Variants in CAMK1D observed in about 807,000 individuals in gnomAD.
The protein encoded by CAMK1D is calcium/calmodulin dependent protein kinase ID.
CAMK1D carries 9 observed loss-of-function variants against 47.7 expected under a neutral mutation model. The observed-to-expected ratio is 0.19, with a 90% CI of 0.11 to 0.33. The LOEUF (loss-of-function observed/expected upper bound fraction) is 0.33, where lower values mean the gene tolerates loss of function less well. CAMK1D is among the 10% of genes least tolerant of loss of function. The pLI is 1.00. For missense variants in CAMK1D, 291 were observed against 488.7 expected (o/e 0.60, Z 3.81); for synonymous variants, 184 against 184.9 (o/e 0.99, Z 0.04).
chr10:12,576,222 T>G (rs1588651970), intron 2 of CAMK1D, among the ~76,000 whole-genome samples: 1 of 152,324 alleles, frequency 6.6e-6, no homozygotes, highest in African/African-American at 2.4e-5. Flanking sequence ...TGCAGTGGTA[T>G]CTCTGTTATA....
chr10:12,810,554 C>T (rs1012398139), intron 6 of CAMK1D, among the ~76,000 whole-genome samples: 2 of 152,142 alleles, frequency 1.3e-5, no homozygotes, highest in African/African-American at 4.8e-5. Flanking sequence ...GGATTACAGG[C>T]GTGAGCCACC....
chr10:12,407,130 C>T (rs904549552), intron 1 of CAMK1D, among the ~76,000 whole-genome samples: 2 of 152,208 alleles, frequency 1.3e-5, no homozygotes, highest in African/African-American at 4.8e-5. Flanking sequence ...CTCCATCTTC[C>T]TGCACAGCCA....
At chr10:12,781,265 G>C (rs1837479381) in intron 5 of CAMK1D, among the ~76,000 whole-genome samples, 1 of 152,238 alleles carries the variant, frequency 6.6e-6, no homozygotes, top group African/African-American at 2.4e-5. Context: ...CACAAGAAAG[G>C]CTTGACTTAA....
chr10:12,665,979 A>T lies in CAMK1D; in HGVS notation c.225-757A>T, dbSNP rs77549808. On this transcript the variant is annotated intron_variant, in intron 2 of 10. Coordinates refer to ENST00000619168, the MANE Select transcript of CAMK1D (RefSeq NM_153498.4). Reference sequence around the variant, plus strand: ...AAGCTCTAGTTTACACGTGTAGATTATCTGAGCATCTTATTACAATACTGA... The same window carrying T: ...AAGCTCTAGTTTACACGTGTAGATTTTCTGAGCATCTTATTACAATACTGA... Among the ~76,000 whole-genome samples the T allele has an allele frequency of 8.7e-4, 132 of 152,144 alleles. 3 individuals are homozygous for T. In the East Asian group the frequency reaches 0.021, roughly 24 times the overall value.
chr10:12,488,831 G>A (rs915851155), intron 1 of CAMK1D, among the ~76,000 whole-genome samples: 1 of 152,192 alleles, frequency 6.6e-6, no homozygotes, highest in Non-Finnish European at 1.5e-5. Flanking sequence ...CTGATCTGAC[G>A]GAGGCGGAGC....
chr10:12,512,978 G>A (rs944193198), intron 1 of CAMK1D, among the ~76,000 whole-genome samples: 1 of 152,170 alleles, frequency 6.6e-6, no homozygotes, highest in African/African-American at 2.4e-5. Flanking sequence ...GCACACACCT[G>A]GAGGAACACA....
chr10:12,517,737 AT>A (rs35540884), intron 1 of CAMK1D, among the ~76,000 whole-genome samples: 79,594 of 151,520 alleles, frequency 0.53, 21,030 homozygotes, highest in South Asian at 0.68. Flanking sequence ...GTTGTGGTGT[AT>A]TTTTTTTTAT....
At chr10:12,760,075 AT>A (rs1836428381) in intron 3 of CAMK1D, among the ~76,000 whole-genome samples, 3 of 151,956 alleles carry the variant, frequency 2.0e-5, no homozygotes, top group Admixed American at 6.6e-5. Context: ...ATTTGAGATG[AT>A]TTGGAGAACA....
intron 3 of CAMK1D, among the ~76,000 whole-genome samples, chr10:12,679,976 A>G (rs972516309): frequency 1.3e-5 from 2 of 152,218 alleles, no homozygotes; most frequent in Non-Finnish European, 2.9e-5. Context: ...AATGTAAGCT[A>G]CACATCCTCT....
intron 2 of CAMK1D, among the ~76,000 whole-genome samples, chr10:12,601,199 T>TG (rs1343155465): frequency 4.9e-4 from 71 of 144,576 alleles, no homozygotes; most frequent in Admixed American, 6.9e-4. Context: ...GTTTGTTTTT[T>TG]TTTTTTTTTT....
intron 1 of CAMK1D, among the ~76,000 whole-genome samples, chr10:12,519,138 C>T (rs1414620699): frequency 1.1e-4 from 10 of 92,538 alleles, no homozygotes; most frequent in African/African-American, 3.3e-4. Flanking sequence ...ACCACCCTCC[C>T]GGACAGGGCG....
intron 3 of CAMK1D, among the ~76,000 whole-genome samples, chr10:12,760,086 A>G (rs1047362106): frequency 2.0e-5 from 3 of 152,094 alleles, no homozygotes; most frequent in Admixed American, 2.0e-4. Context: ...TTTGGAGAAC[A>G]CTAGTTGAGT....
chr10:12,411,808 C>T (rs933107769), intron 1 of CAMK1D, among the ~76,000 whole-genome samples: 2 of 90,102 alleles, frequency 2.2e-5, no homozygotes, highest in African/African-American at 4.5e-5. Flanking sequence ...CCGTGTTGGG[C>T]AGGCTGGTCT....
intron 2 of CAMK1D, among the ~76,000 whole-genome samples, chr10:12,615,947 GGT>G (rs1838791765): frequency 6.6e-6 from 1 of 150,466 alleles, no homozygotes; most frequent in Admixed American, 6.6e-5. Context: ...CAAGTGTGTT[GGT>G]GTGCGCATAG....
intron 10 of CAMK1D, among the ~76,000 whole-genome samples, chr10:12,827,297 T>C (rs557511772): frequency 0.32 from 34,615 of 107,410 alleles, 4,798 homozygotes; most frequent in South Asian, 0.46. Flanking sequence ...CTTTCTTTCT[T>C]TCTCTCTCTT....
At chr10:12,632,619 AAT>A (rs1839411773) in intron 2 of CAMK1D, among the ~76,000 whole-genome samples, 1 of 152,204 alleles carries the variant, frequency 6.6e-6, no homozygotes, top group South Asian at 2.1e-4. Context: ...AGAGATGAAG[AAT>A]ATGAAACTCC....
chr10:12,573,744 T>C (rs1025876359), intron 2 of CAMK1D, among the ~76,000 whole-genome samples: 6 of 151,418 alleles, frequency 4.0e-5, no homozygotes, highest in African/African-American at 1.5e-4. Flanking sequence ...GCCTTGAAAC[T>C]TCTGAGCTCA....
chr10:12,526,343 C>T (rs1835620768), intron 1 of CAMK1D, among the ~76,000 whole-genome samples: 1 of 152,162 alleles, frequency 6.6e-6, no homozygotes, highest in South Asian at 2.1e-4. Flanking sequence ...ATTCTCGAAG[C>T]CATGTTTCTT....
intron 1 of CAMK1D, among the ~76,000 whole-genome samples, chr10:12,523,451 C>T (rs1835508616): frequency 6.6e-6 from 1 of 152,206 alleles, no homozygotes; most frequent in Admixed American, 6.5e-5. Context: ...CCAGCCTGGG[C>T]ACCATTGAGC....
Sources: allele counts gnomAD v4.1 joint callset (sites outside exome capture counted in the v4.1 genomes callset), GRCh38; gene constraint gnomAD v4.1.1; transcripts MANE v1.5; gene names NCBI Gene and HGNC (gene_info 2026-07-23, HGNC 2026-07-21).